The following MSRA variants were observed in gnomAD, a reference collection of about 807,000 sequenced individuals.
The protein encoded by MSRA is methionine sulfoxide reductase A, also known as mitochondrial peptide methionine sulfoxide reductase.
MSRA carries 54 observed loss-of-function variants against 31.3 expected under a neutral mutation model. The observed-to-expected ratio is 1.73, with a 90% CI of 1.39 to 2.17. The LOEUF (loss-of-function observed/expected upper bound fraction) is 2.17, where lower values mean the gene tolerates loss of function less well. Among genes scored for constraint, MSRA ranks in the 30% most tolerant of loss-of-function variants. The probability of loss-of-function intolerance (pLI) is 0.00; values close to 1 mark genes in which losing one functional copy is unlikely to be tolerated. For missense variants in MSRA, 507 were observed against 300.9 expected, an observed-to-expected ratio of 1.69 and a Z score of -5.07; for synonymous variants, 169 against 116.5, an observed-to-expected ratio of 1.45 and a Z score of -2.90.
intron 5 of MSRA, among the ~76,000 whole-genome samples, chr8:10,410,433 G>A (rs1225251978): frequency 1.3e-5 from 2 of 152,210 alleles, no homozygotes; most frequent in African/African-American, 4.8e-5. Flanking sequence ...AATTCCCACA[G>A]TGTGACATTC....
chr8:10,278,511 T>G (rs565589741), intron 3 of MSRA, among the ~76,000 whole-genome samples: 1 of 152,208 alleles, frequency 6.6e-6, no homozygotes, highest in Admixed American at 6.5e-5. Context: ...CATAACCCCA[T>G]TGAAATCTAC....
At chr8:10,283,836 T>TATATATATATATACACAC (rs1261287031) in intron 3 of MSRA, among the ~76,000 whole-genome samples, 7 of 53,162 alleles carry the variant, frequency 1.3e-4, no homozygotes, top group African/African-American at 3.5e-4. Flanking sequence ...TATATATATA[T>TATATATATATATACACAC]ACACACACAC....
intron 1 of MSRA, among the ~76,000 whole-genome samples, chr8:10,202,629 T>A (rs1055617416): frequency 6.6e-6 from 1 of 152,240 alleles, no homozygotes; most frequent in Non-Finnish European, 1.5e-5. Context: ...TGATTAGTGA[T>A]GTCTGCCATG....
intron 3 of MSRA, among the ~76,000 whole-genome samples, chr8:10,259,124 C>T (rs985860420): frequency 4.6e-5 from 7 of 150,862 alleles, no homozygotes; most frequent in African/African-American, 1.5e-4. Context: ...AAAAAAGAGG[C>T]AGATATATAT....
At chr8:10,083,222 C>T (rs769634060) in intron 1 of MSRA, among the ~76,000 whole-genome samples, 1 of 152,176 alleles carries the variant, frequency 6.6e-6, no homozygotes, top group Non-Finnish European at 1.5e-5. Context: ...ATCTTAACAT[C>T]AGCAGATGAC....
At chr8:10,104,398 C>T (rs1032530538) in intron 1 of MSRA, among the ~76,000 whole-genome samples, 2 of 152,150 alleles carry the variant, frequency 1.3e-5, no homozygotes, top group Non-Finnish European at 2.9e-5. Flanking sequence ...GATGGGGGTA[C>T]AGCTTGGTTT....
chr8:10,219,891 G>A (rs940146684), intron 2 of MSRA, among the ~76,000 whole-genome samples: 36 of 113,206 alleles, frequency 3.2e-4, no homozygotes, highest in African/African-American at 1.2e-3. Context: ...TTTGTTTTTT[G>A]TTTTCCCCTG....
chr8:10,283,160 A>ACACTCTCTCTCTCTCTCT, intron 3 of MSRA, among the ~76,000 whole-genome samples: 2 of 140,238 alleles, frequency 1.4e-5, no homozygotes, highest in South Asian at 2.3e-4. Flanking sequence ...ACACACACAC[A>ACACTCTCTCTCTCTCTCT]CTCTCACCCT....
intron 1 of MSRA, among the ~76,000 whole-genome samples, chr8:10,056,262 G>A (rs11786253): frequency 0.11 from 16,027 of 148,552 alleles, 957 homozygotes; most frequent in African/African-American, 0.14. Flanking sequence ...TTTCCAAACT[G>A]GTTCAAGGTC....
At chr8:10,146,149 C>A (rs950283222) in intron 1 of MSRA, among the ~76,000 whole-genome samples, 1 of 152,110 alleles carries the variant, frequency 6.6e-6, no homozygotes, top group African/African-American at 2.4e-5. Context: ...CAAGCATGAC[C>A]ACATAACCCT....
chr8:10,345,069 C>T (rs1007542947), intron 5 of MSRA, among the ~76,000 whole-genome samples: 1 of 152,138 alleles, frequency 6.6e-6, no homozygotes, highest in African/African-American at 2.4e-5. Flanking sequence ...CTTTCCCCCT[C>T]AAGGTTAGCC....
At chr8:10,148,052 G>T (rs934508827) in intron 1 of MSRA, among the ~76,000 whole-genome samples, 3 of 152,224 alleles carry the variant, frequency 2.0e-5, no homozygotes, top group Non-Finnish European at 4.4e-5. Context: ...CAGCCGTGGG[G>T]CTGACGTGAG....
intron 2 of MSRA, among the ~76,000 whole-genome samples, chr8:10,219,982 G>A (rs1021058118): frequency 6.4e-4 from 97 of 151,888 alleles, no homozygotes; most frequent in African/African-American, 2.2e-3. Context: ...CCTAAGAAGT[G>A]GGATTCAGTT....
chr8:10,421,832 T>C (rs1296382247), intron 5 of MSRA, among the ~76,000 whole-genome samples: 1 of 152,068 alleles, frequency 6.6e-6, no homozygotes, highest in Non-Finnish European at 1.5e-5. Context: ...CTACCCGCCT[T>C]CCTGCCCCAG....
At chr8:10,267,400 T>C (rs1798802464) in intron 3 of MSRA, among the ~76,000 whole-genome samples, 2 of 152,068 alleles carry the variant, frequency 1.3e-5, no homozygotes, top group African/African-American at 4.8e-5. Flanking sequence ...AAAGACAAAA[T>C]GGGGTTGTGT....
intron 4 of MSRA, among the ~76,000 whole-genome samples, chr8:10,308,776 C>T (rs1223966719): frequency 6.6e-6 from 1 of 152,214 alleles, no homozygotes; most frequent in Non-Finnish European, 1.5e-5. Context: ...GTTCCTACTG[C>T]TTAGCCTGTC....
chr8:10,250,378 G>A (rs1439918839), intron 3 of MSRA: 1 of 699,934 alleles, frequency 1.4e-6, no homozygotes, highest in Admixed American at 2.0e-5. Flanking sequence ...AGAAAACCCA[G>A]GATGTTCATT....
intron 5 of MSRA, among the ~76,000 whole-genome samples, chr8:10,390,901 G>A (rs1045144898): frequency 7.2e-5 from 11 of 152,092 alleles, no homozygotes; most frequent in Admixed American, 2.0e-4. Flanking sequence ...ACGTGAACCC[G>A]GGAGGTGGAG....
At chr8:10,114,025 A>C (rs925777927) in intron 1 of MSRA, among the ~76,000 whole-genome samples, 1 of 152,092 alleles carries the variant, frequency 6.6e-6, no homozygotes, top group Admixed American at 6.5e-5. Context: ...GGATTTGTCT[A>C]TTCTGGACCT....
Sources: gnomAD v4.1 joint callset for allele counts (sites outside exome capture counted in the v4.1 genomes callset) on GRCh38, gnomAD v4.1.1 for gene constraint, MANE v1.5 for transcripts, NCBI Gene and HGNC (gene_info 2026-07-23, HGNC 2026-07-21) for gene names.